Variants in TTN observed in about 807,000 individuals in gnomAD.
TTN encodes the protein connectin.
Under a neutral mutation model 3,223.0 loss-of-function variants are expected in TTN, and 1,525 were observed. The observed-to-expected ratio is 0.47, with a 90% CI of 0.45 to 0.49. The LOEUF is 0.49. TTN is among the 20% of genes least tolerant of loss of function. TTN has a pLI of 0.00. For synonymous variants in TTN, 14,094 were observed against 15,161.0 expected (o/e 0.93, Z 5.17); for missense variants, 40,786 against 43,424.0 (o/e 0.94, Z 5.40).
rs752015224 is a variant in TTN, at chr2:178,539,176, C to T, written c.98759G>A (p.Arg32920Gln). 3.8e-5 allele frequency: 62 copies of T among 1,613,562 alleles called. No individual in the cohort carries two copies. The highest frequency in any genetic ancestry group is 1.5e-4 in the South Asian group (14 of 91,076). Residue 32920 changes from arginine to glutamine, a missense_variant, in exon 353 of 363, where the codon CGG becomes CAG. Physicochemically the swap from Arg to Gln is conservative, Grantham distance 43. Transcript: ENST00000589042. ...TCTAGAACCACCATCATCTTTGGGC[C>T]GGGACCAGGACAAGCTAACAGAACT... ...TKSSVSLSWS[R>Q]PKDDGGSRVT...
At position 178,773,103 on chromosome 2, in the gene TTN, A is replaced by G. The variant is rs757802017; in HGVS notation, c.7855+6T>C. The stretch of plus-strand genomic sequence containing the variant: ...CGTAAGAATTTAGGTTAATAAATAT[A>G]CCAACCTGCCACAGTAAGTTTTCCA... On this transcript the variant is annotated splice_donor_region_variant and intron_variant, in intron 33 of 362. Coordinates refer to ENST00000589042, the MANE Select transcript of TTN (RefSeq NM_001267550.2). The G allele has an allele frequency of 1.9e-6, 3 of 1,613,880 alleles. No homozygotes were observed. The highest frequency in any genetic ancestry group is 2.5e-6 in the Non-Finnish European group (3 of 1,179,892).
Position 178,612,448 on chromosome 2 carries a change from C to T in TTN, c.50077G>A (p.Val16693Ile), listed in dbSNP as rs377141765. 3.5e-5 allele frequency: 57 copies of T among 1,612,486 alleles called. No homozygotes were observed. The highest frequency in any genetic ancestry group is 4.5e-5 in the Non-Finnish European group (53 of 1,179,190). ...ACTGTTTGCCAGCCTTTTCGCCTGACGTCTCTCTTTTCCACAATGTAGTTG... is the reference window on the plus strand; with the variant it reads ...ACTGTTTGCCAGCCTTTTCGCCTGATGTCTCTCTTTTCCACAATGTAGTTG... ...ITNYIVEKRD[V>I]RRKGWQTVDT... Residue 16693 changes from valine to isoleucine, a missense_variant, in exon 266 of 363, where the codon GTC becomes ATC. By Grantham distance (29) the Val-to-Ile change is conservative (BLOSUM62 3). Transcript: ENST00000589042.
chr2:178,542,793 G>A lies in TTN; in HGVS notation c.97061C>T (p.Thr32354Ile). 6.2e-7 allele frequency: 1 copy of A among 1,613,790 alleles called. No homozygotes were observed. Among genetic ancestry groups the A allele is most frequent in the South Asian group, 1.1e-5 (1 of 91,082 alleles). Residue 32354 changes from threonine (T) to isoleucine (I), a missense_variant, in exon 348 of 363, where the codon ACA becomes ATA. Physicochemically the swap from Thr to Ile is moderately conservative, Grantham distance 89. Coordinates refer to ENST00000589042, the MANE Select transcript of TTN (RefSeq NM_001267550.2). ...GSKLRESERV[T>I]VETHTKVAKL... ...AGCTACTTTAGTGTGAGTTTCAACTGTGACACGCTCTGATTCTCTCAGTTT... is the reference window on the plus strand; with the variant it reads ...AGCTACTTTAGTGTGAGTTTCAACTATGACACGCTCTGATTCTCTCAGTTT...
Position 178,584,698 on chromosome 2 carries a change from G to A in TTN, c.64943C>T (p.Ser21648Phe), listed in dbSNP as rs761835878. 1.2e-6 allele frequency: 2 copies of A among 1,613,480 alleles called. No homozygotes were observed. The highest frequency in any genetic ancestry group is 1.1e-5 in the South Asian group (1 of 91,060). Reference sequence around the variant, plus strand: ...TGGGAACTGCGCAACCATCTTTGGAGATGTGAGAGGCTCTGAAATGCCAAA... The same window carrying A: ...TGGGAACTGCGCAACCATCTTTGGAAATGTGAGAGGCTCTGAAATGCCAAA... ...NRFGISEPLT[S>F]PKMVAQFPFG... Residue 21648 changes from serine to phenylalanine, a missense_variant, in exon 310 of 363, where the codon TCT becomes TTT. Coordinates refer to ENST00000589042, the MANE Select transcript of TTN (RefSeq NM_001267550.2).
At position 178,773,856 on chromosome 2, in the gene TTN, C is replaced by T; in HGVS notation, c.7312G>A (p.Gly2438Arg). 2.5e-6 allele frequency: 4 copies of T among 1,614,060 alleles called. No individual in the cohort carries two copies. Among genetic ancestry groups the T allele is most frequent in the Non-Finnish European group, 3.4e-6 (4 of 1,179,982 alleles). ...GACTCACTATAGACAGAGACACGCC[C>T]ACTGGTGGAGAGGCCAAGGGCTGGA... ...TIPALGLSTS[G>R]RVSVYSVDVI... The change falls in exon 31 of 363, where the codon GGG (glycine) becomes AGG (arginine). Residue 2438 changes from glycine (G) to arginine (R), a missense_variant. Coordinates refer to ENST00000589042, the MANE Select transcript of TTN (RefSeq NM_001267550.2).
chr2:178,679,589 G>T lies in TTN; in HGVS notation c.33664+10C>A, dbSNP rs761313509. 6.2e-7 allele frequency: 1 copy of T among 1,607,830 alleles called. No homozygotes were observed. Among genetic ancestry groups the T allele is most frequent in the Non-Finnish European group, 8.5e-7 (1 of 1,178,002 alleles). ...GTCTCTTAGATACCCGTCAATGAATGGTGGTGTACCTTTTGCCGGTGGAGC... is the reference window on the plus strand; with the variant it reads ...GTCTCTTAGATACCCGTCAATGAATTGTGGTGTACCTTTTGCCGGTGGAGC... On this transcript the variant is annotated intron_variant, in intron 141 of 362. Coordinates refer to ENST00000589042, the MANE Select transcript of TTN (RefSeq NM_001267550.2).
intron 43 of TTN, 145 bp from the exon 44 acceptor site, chr2:178,759,317 T>C (rs2088302391): frequency 2.6e-6 from 2 of 761,204 alleles, no homozygotes; most frequent in Admixed American, 5.0e-5. Context: ...GCATGCCATA[T>C]CTACTATTGT....
At chr2:178,603,853 C>A in intron 282 of TTN, 23 bp downstream of exon 282, 2 of 1,506,592 alleles carry the variant, frequency 1.3e-6, no homozygotes, top group Non-Finnish European at 9.0e-7. Context: ...GAAATTAGTC[C>A]CCAGAAACGG....
intron 361 of TTN, 34 bp from the exon 362 acceptor site, chr2:178,527,782 A>G (rs1421208047): frequency 4.6e-6 from 7 of 1,527,600 alleles, no homozygotes; most frequent in East Asian, 2.3e-5. Flanking sequence ...GTGAACATCA[A>G]TGACATCTGG....
rs931800517 is a variant in TTN at position 178,647,099 on chromosome 2, A to T, written c.40187T>A (p.Ile13396Lys). ...EEIIYEEKASITIGRKETPPV... is the reference protein window; with the variant it reads ...EEIIYEEKASKTIGRKETPPV... ...GGGAGTCTCTTTTCTACCAATGGTT[A>T]TAGATGCTTTTTCTTCATATATTAT... The change falls in exon 215 of 363, where the codon ATA becomes AAA. Residue 13396 changes from isoleucine (I) to lysine (K), a missense_variant. Ile to Lys is a moderately radical substitution (Grantham distance 102). Coordinates refer to ENST00000589042, the MANE Select transcript of TTN (RefSeq NM_001267550.2). 1.4e-6 allele frequency: 2 copies of T among 1,421,166 alleles called. No homozygotes were observed. Among genetic ancestry groups the T allele is most frequent in the Non-Finnish European group, 1.9e-6 (2 of 1,079,170 alleles). 88.0% of individuals were successfully genotyped at this position (1,421,166 alleles called of 1,614,324 possible). A position where few individuals can be genotyped will look rare whatever the true frequency, so the allele number is the denominator to read the frequency against.
Position 178,667,427 on chromosome 2 carries a change from G to A in TTN, c.35713+15C>T. 5.0e-6 allele frequency: 8 copies of A among 1,593,232 alleles called. No homozygotes were observed. Among genetic ancestry groups the A allele is most frequent in the South Asian group, 3.4e-5 (3 of 89,488 alleles). ...CTAAAGATACTCATCTGGGTTTGAT[G>A]TATTTGAAATATACCTTTAGTTGCT... On this transcript the variant is annotated intron_variant, in intron 161 of 362. Transcript: ENST00000589042.
Position 178,693,507 on chromosome 2 carries a change from CTG to C in TTN, c.31594+100_31594+101del, listed in dbSNP as rs575405794. 3.5e-4 allele frequency: 302 copies of C among 860,092 alleles called. No homozygotes were observed. In the African/African-American group the frequency reaches 4.5e-3, roughly 13 times the overall value. 53.3% of individuals were successfully genotyped at this position (860,092 alleles called of 1,614,324 possible). A position where few individuals can be genotyped will look rare whatever the true frequency, so the allele number is the denominator to read the frequency against. On this transcript the variant is annotated intron_variant, in intron 119 of 362. Coordinates refer to ENST00000589042, the MANE Select transcript of TTN (RefSeq NM_001267550.2). ...TACATAGTGGCTATAGGTATGCACACTGTGACTAAATCTATTATTTAATACTA... is the reference window on the plus strand; with the variant it reads ...TACATAGTGGCTATAGGTATGCACACTGACTAAATCTATTATTTAATACTA...
intron 253 of TTN, 63 bp downstream of exon 253, chr2:178,617,716 T>A: frequency 1.3e-6 from 2 of 1,561,522 alleles, no homozygotes; most frequent in Non-Finnish European, 1.7e-6. Flanking sequence ...TGATTTATTT[T>A]AATTGATAGG....
At position 178,777,948 on chromosome 2, in the gene TTN, C is replaced by G; in HGVS notation, c.4236G>C (p.Arg1412Ser). Residue 1412 changes from arginine to serine, a missense_variant, in exon 25 of 363, where the codon AGG (arginine) becomes AGC (serine). By Grantham distance (110) the Arg-to-Ser change is moderately radical. Coordinates refer to ENST00000589042, the MANE Select transcript of TTN (RefSeq NM_001267550.2). Reference sequence around the variant, plus strand: ...GTGCAGGAGACATGCGTATAGGAGACCTGCTCACTGAACGTGGAGAGAGAG... The same window carrying G: ...GTGCAGGAGACATGCGTATAGGAGAGCTGCTCACTGAACGTGGAGAGAGAG... ...IRSLSPRSVSRSPIRMSPARM... is the reference protein window; with the variant it reads ...IRSLSPRSVSSSPIRMSPARM... 1 of 1,613,936 alleles carries G rather than the reference C, an allele frequency of 6.2e-7. No homozygotes were observed. Among genetic ancestry groups the G allele is most frequent in the Non-Finnish European group, 8.5e-7 (1 of 1,179,916 alleles).
chr2:178,608,143 G>C lies in TTN; in HGVS notation c.52705+35C>G, dbSNP rs747015124. 3.1e-6 allele frequency: 5 copies of C among 1,601,982 alleles called. No homozygotes were observed. In the Admixed American group the frequency reaches 6.9e-5, roughly 22 times the overall value. On this transcript the variant is annotated intron_variant, in intron 275 of 362. Coordinates refer to ENST00000589042, the MANE Select transcript of TTN (RefSeq NM_001267550.2). ...ATGGTTTTAAAATGTACAATAGCTT[G>C]TTCTACTCCACCTTCTTCTTAAGGA...
Position 178,573,444 on chromosome 2 carries a change from C to T in TTN, c.72688G>A (p.Glu24230Lys). 6.6e-7 allele frequency: 1 copy of T among 1,517,704 alleles called. No individual in the cohort carries two copies. The highest frequency in any genetic ancestry group is 8.8e-7 in the Non-Finnish European group (1 of 1,136,138). 94.0% of individuals were successfully genotyped at this position (1,517,704 alleles called of 1,614,324 possible). ...YGPPDPPKNP[E>K]VTTITKDSMV... ...GAATCTTTAGTAATAGTTGTCACTT[C>T]AGGGTTTTTGGGCGGATCAGGGGGT... Residue 24230 changes from glutamate (E) to lysine (K), a missense_variant, in exon 326 of 363, where the codon GAA becomes AAA. Transcript: ENST00000589042.
In TTN at chr2:178,740,292, G is replaced by T; in HGVS notation, c.12941C>A (p.Ala4314Glu). 2 of 1,613,602 alleles carry T rather than the reference G, an allele frequency of 1.2e-6. No homozygotes were observed. Among genetic ancestry groups the T allele is most frequent in the Non-Finnish European group, 1.7e-6 (2 of 1,179,808 alleles). ...LIESANPLEN[A>E]GQDSAVRIEE... ...AATTCTGACCGCAGAATCTTGCCCTGCATTTTCCAGTGGATTTGCACTTTC... is the reference window on the plus strand; with the variant it reads ...AATTCTGACCGCAGAATCTTGCCCTTCATTTTCCAGTGGATTTGCACTTTC... Residue 4314 changes from alanine (A) to glutamate (E), a missense_variant, in exon 48 of 363, where the codon GCA becomes GAA. Physicochemically the swap from Ala to Glu is moderately radical, Grantham distance 107 (BLOSUM62 -1). Transcript: ENST00000589042.
At position 178,702,253 on chromosome 2, in the gene TTN, G is replaced by GAA. The variant is rs1480937395; in HGVS notation, c.30434-10_30434-9dup. ...CGATGACCGAGTAGACACCTAGGGT[G>GAA]AAAAATCATCCAACTTTTGTTTTCT... On this transcript the variant is annotated splice_polypyrimidine_tract_variant and intron_variant, in intron 107 of 362. Coordinates refer to ENST00000589042, the MANE Select transcript of TTN (RefSeq NM_001267550.2). The GAA allele has an allele frequency of 1.2e-6, 2 of 1,613,846 alleles. No individual in the cohort carries two copies. The highest frequency in any genetic ancestry group is 1.7e-6 in the Non-Finnish European group (2 of 1,179,846).
chr2:178,747,019 A>G, intron 47 of TTN: 2 of 1,613,370 alleles, frequency 1.2e-6, no homozygotes, highest in Non-Finnish European at 1.7e-6. Context: ...TAAAAGTACC[A>G]GTGGGGTTTG....
Sources: gnomAD v4.1 joint callset for allele counts on GRCh38, gnomAD v4.1.1 for gene constraint, MANE v1.5 for transcripts, NCBI Gene and HGNC (gene_info 2026-07-23, HGNC 2026-07-21) for gene names.